The following ADD3 variants were observed in gnomAD, a reference collection of about 807,000 sequenced individuals.
ADD3 encodes the protein adducin 3, also known as gamma-adducin.
In ADD3, 25 loss-of-function variants were observed where a neutral mutation model predicts 80.2. That is an observed-to-expected ratio of 0.31 (90% CI 0.23 to 0.44). The LOEUF (loss-of-function observed/expected upper bound fraction) is 0.44, where lower values mean the gene tolerates loss of function less well. ADD3 is among the 20% of genes least tolerant of loss of function. ADD3 has a pLI of 1.00. For missense variants in ADD3, 829 were observed against 847.5 expected, an observed-to-expected ratio of 0.98 and a Z score of 0.27; for synonymous variants, 284 against 289.6, an observed-to-expected ratio of 0.98 and a Z score of 0.20.
At chr10:110,035,568 G>A (rs1408422339) in intron 1 of ADD3, among the ~76,000 whole-genome samples, 1 of 151,932 alleles carries the variant, frequency 6.6e-6, no homozygotes, top group Non-Finnish European at 1.5e-5. Flanking sequence ...TCAGCTGCCT[G>A]TAGTTTGACC....
chr10:110,123,114 C>G (rs1202087905), intron 9 of ADD3, among the ~76,000 whole-genome samples: 1 of 152,210 alleles, frequency 6.6e-6, no homozygotes, highest in African/African-American at 2.4e-5. Flanking sequence ...TATATCCCAT[C>G]CATCAATGGA....
At chr10:110,028,665 T>C (rs181639051) in intron 1 of ADD3, among the ~76,000 whole-genome samples, 1 of 152,348 alleles carries the variant, frequency 6.6e-6, no homozygotes, top group Non-Finnish European at 1.5e-5. Context: ...GAGATTTTAA[T>C]TCAGTACTTT....
chr10:110,008,266 G>A lies in ADD3; in HGVS notation c.-63G>A, dbSNP rs999832280. On this transcript the variant is annotated 5_prime_UTR_variant, in exon 1 of 15. Transcript: ENST00000356080. Reference sequence around the variant, plus strand: ...GCCCGGGCGGCTGCCGAGAAGGAGGGAGGGGAAACACAAAGCCGGCTACGC... The same window carrying A: ...GCCCGGGCGGCTGCCGAGAAGGAGGAAGGGGAAACACAAAGCCGGCTACGC... The A allele has an allele frequency of 6.6e-6, 1 of 152,414 alleles. No homozygotes were observed. The highest frequency in any genetic ancestry group is 2.1e-4 in the South Asian group (1 of 4,826). The allele number at this position is 152,414 out of a possible 1,614,324, so 9.4% of individuals were successfully genotyped here.
intron 1 of ADD3, among the ~76,000 whole-genome samples, chr10:109,997,210 T>C (rs1233756373): frequency 2.6e-5 from 4 of 152,204 alleles, no homozygotes; most frequent in African/African-American, 4.8e-5. Context: ...TTAGGTGGAA[T>C]TCTAATCTTA....
At chr10:110,028,966 G>A (rs953938190) in intron 1 of ADD3, among the ~76,000 whole-genome samples, 1 of 149,220 alleles carries the variant, frequency 6.7e-6, no homozygotes, top group South Asian at 2.1e-4. Flanking sequence ...CGCAACCTCC[G>A]CCTCCCGGGT....
upstream of ADD3, chr10:110,006,016 CGCTGCT>C (rs202094866): frequency 1.3e-5 from 3 of 231,512 alleles, no homozygotes; most frequent in South Asian, 5.1e-5. Flanking sequence ...CCGCCGCCGC[CGCTGCT>C]GCTGCTGCTG....
chr10:110,063,740 TATA>T (rs1843513187), intron 1 of ADD3, among the ~76,000 whole-genome samples: 21 of 21,966 alleles, frequency 9.6e-4, no homozygotes, highest in African/African-American at 3.3e-3. Context: ...ATATTCATTA[TATA>T]TATATATATA....
intron 1 of ADD3, among the ~76,000 whole-genome samples, chr10:110,081,369 T>C (rs905268367): frequency 3.3e-5 from 5 of 152,222 alleles, no homozygotes; most frequent in Non-Finnish European, 7.3e-5. Context: ...TAGAATCCTC[T>C]AAAATGACAA....
rs139871560 is a variant in ADD3 at position 110,063,737 on chromosome 10, T to TTATATATATATATATATATA, written c.-29-36861_-29-36842dup. On this transcript the variant is annotated intron_variant, in intron 1 of 14. Transcript: ENST00000356080. ...TGATGAATATGAATATATATATTCA[T>TTATATATATATATATATATA]TATATATATATATATATATATATAT... 2.0e-4 allele frequency among the ~76,000 whole-genome samples: 13 copies of TTATATATATATATATATATA among 64,666 alleles called. 1 individual carries two copies. Among genetic ancestry groups the TTATATATATATATATATATA allele is most frequent in the Admixed American group, 3.5e-4 (3 of 8,506 alleles). 42.4% of individuals were successfully genotyped at this position (64,666 alleles called of 152,430 possible). A position where few individuals can be genotyped will look rare whatever the true frequency, so the allele number is the denominator to read the frequency against.
intron 1 of ADD3, among the ~76,000 whole-genome samples, chr10:110,053,621 GTAAT>G (rs1304692625): frequency 1.3e-5 from 2 of 151,984 alleles, no homozygotes; most frequent in African/African-American, 4.8e-5. Context: ...TAAAAAAATA[GTAAT>G]TGGAACCTTT....
chr10:110,100,902 A>G, intron 2 of ADD3, 54 bp downstream of exon 2: 1 of 1,486,770 alleles, frequency 6.7e-7, no homozygotes, highest in Non-Finnish European at 9.0e-7. Context: ...ATGTTAGTAT[A>G]ATAAGGTAGA....
chr10:110,003,098 A>T (rs1281093326), upstream of ADD3, among the ~76,000 whole-genome samples: 2 of 152,220 alleles, frequency 1.3e-5, no homozygotes, highest in Non-Finnish European at 2.9e-5. Context: ...TAAATACATA[A>T]CATTATGTAG....
At position 110,084,421 on chromosome 10, in the gene ADD3, A is replaced by G. The variant is rs1225372467; in HGVS notation, c.-29-16204A>G. Reference sequence around the variant, plus strand: ...ACAGTAGCACCTGAAATGTGCTTAAAATTGTGCTTACCAAAATCTTTAGTT... The same window carrying G: ...ACAGTAGCACCTGAAATGTGCTTAAGATTGTGCTTACCAAAATCTTTAGTT... On this transcript the variant is annotated intron_variant, in intron 1 of 14. Coordinates refer to ENST00000356080, the MANE Select transcript of ADD3 (RefSeq NM_016824.5). 3.3e-4 allele frequency among the ~76,000 whole-genome samples: 50 copies of G among 152,192 alleles called. 1 individual carries two copies. Among genetic ancestry groups the G allele is most frequent in the Admixed American group, 3.3e-3 (50 of 15,284 alleles).
chr10:110,055,509 A>G (rs1342086640), intron 1 of ADD3, among the ~76,000 whole-genome samples: 1 of 152,158 alleles, frequency 6.6e-6, no homozygotes, highest in Non-Finnish European at 1.5e-5. Context: ...TCAGCTTTTA[A>G]TGAATATTTA....
intron 1 of ADD3, among the ~76,000 whole-genome samples, chr10:110,094,300 ACAT>A (rs1348752439): frequency 7.2e-5 from 11 of 152,196 alleles, no homozygotes; most frequent in African/African-American, 1.4e-4. Flanking sequence ...ATGCTAATAA[ACAT>A]CATTATTATG....
At chr10:110,007,381 G>A (rs1448544971), upstream of ADD3, among the ~76,000 whole-genome samples, 3 of 152,334 alleles carry the variant, frequency 2.0e-5, no homozygotes, top group South Asian at 6.2e-4. Flanking sequence ...CACGGGGGGC[G>A]TGCGGAGGTT....
chr10:110,128,006 G>A (rs900533492), intron 12 of ADD3, among the ~76,000 whole-genome samples: 11 of 144,076 alleles, frequency 7.6e-5, no homozygotes, highest in Non-Finnish European at 1.2e-4. Flanking sequence ...CTATTTTATT[G>A]TTGAAGTAGG....
chr10:110,100,846 C>A lies in ADD3; in HGVS notation c.193C>A (p.Pro65Thr). Residue 65 changes from proline (P) to threonine (T), a missense_variant and splice_region_variant, in exon 2 of 15, where the codon CCT becomes ACT. Coordinates refer to ENST00000356080, the MANE Select transcript of ADD3 (RefSeq NM_016824.5). ...RKRVTQILQS[P>T]AFREDLECLI... Reference sequence around the variant, plus strand: ...ACGAGTTACTCAGATCCTGCAAAGTCCTGTGAGTTGAATTAGAAGGCTGTA... The same window carrying A: ...ACGAGTTACTCAGATCCTGCAAAGTACTGTGAGTTGAATTAGAAGGCTGTA... 1 of 1,590,372 alleles carries A rather than the reference C, an allele frequency of 6.3e-7. No homozygotes were observed. Among genetic ancestry groups the A allele is most frequent in the Non-Finnish European group, 8.5e-7 (1 of 1,169,956 alleles).
chr10:110,047,178 G>T (rs188788059), intron 1 of ADD3, among the ~76,000 whole-genome samples: 1 of 152,096 alleles, frequency 6.6e-6, no homozygotes, highest in Non-Finnish European at 1.5e-5. Context: ...TTTACCTTTA[G>T]GGCAGTTGTA....
Sources: allele counts gnomAD v4.1 joint callset (sites outside exome capture counted in the v4.1 genomes callset), GRCh38; gene constraint gnomAD v4.1.1; transcripts MANE v1.5; gene names NCBI Gene and HGNC (gene_info 2026-07-23, HGNC 2026-07-21).